Variants in SIPA1L3 observed in about 807,000 individuals in gnomAD.
SIPA1L3 encodes the protein signal induced proliferation associated 1 like 3.
A neutral mutation model predicts 150.1 loss-of-function variants in SIPA1L3; 59 were observed. That is an observed-to-expected ratio of 0.39 (90% CI 0.32 to 0.49). SIPA1L3 has a LOEUF of 0.49. Among genes scored for constraint, SIPA1L3 ranks in the 20% least tolerant of loss-of-function variants. The pLI is 0.86. For synonymous variants in SIPA1L3, 1,070 were observed against 1,077.6 expected (o/e 0.99, Z 0.14); for missense variants, 2,211 against 2,489.5 (o/e 0.89, Z 2.38).
At chr19:37,989,824 C>T (rs957737405) in intron 1 of SIPA1L3, among the ~76,000 whole-genome samples, 7 of 152,046 alleles carry the variant, frequency 4.6e-5, no homozygotes, top group African/African-American at 1.2e-4. Flanking sequence ...CGTGAGCCAC[C>T]GTGCCTGGCT....
intron 15 of SIPA1L3, chr19:38,173,654 G>C (rs967481374): frequency 6.6e-6 from 1 of 152,246 alleles, no homozygotes; most frequent in Non-Finnish European, 1.5e-5. Flanking sequence ...ATGCCCTTCT[G>C]GGGACACAGC....
chr19:37,937,893 A>G (rs2046616009), intron 1 of SIPA1L3, among the ~76,000 whole-genome samples: 1 of 151,576 alleles, frequency 6.6e-6, no homozygotes, highest in African/African-American at 2.4e-5. Context: ...AAAAATACAA[A>G]AAAATTAGCT....
chr19:38,099,951 C>T lies in SIPA1L3; in HGVS notation c.1666-11C>T. On this transcript the variant is annotated splice_polypyrimidine_tract_variant and intron_variant, in intron 4 of 21. Transcript: ENST00000222345. ...AGAGCCCCCTAACCTTCCCTTCTCT[C>T]CCTTGAGTAGCTCATCACCCTGCGG... 6.3e-7 allele frequency: 1 copy of T among 1,590,432 alleles called. No individual in the cohort carries two copies. The highest frequency in any genetic ancestry group is 1.1e-5 in the South Asian group (1 of 87,072).
chr19:38,163,316 C>T (rs1471874761), intron 14 of SIPA1L3, among the ~76,000 whole-genome samples: 4 of 151,990 alleles, frequency 2.6e-5, no homozygotes, highest in African/African-American at 9.7e-5. Flanking sequence ...CTAGTAAAAC[C>T]CCGTCTCTAC....
intron 12 of SIPA1L3, among the ~76,000 whole-genome samples, chr19:38,144,162 C>A (rs1453208563): frequency 6.6e-6 from 1 of 152,246 alleles, no homozygotes; most frequent in Non-Finnish European, 1.5e-5. Flanking sequence ...GCACTGCCCC[C>A]CAATTCCTGT....
At chr19:37,954,072 A>C (rs759431795) in intron 1 of SIPA1L3, among the ~76,000 whole-genome samples, 1 of 152,148 alleles carries the variant, frequency 6.6e-6, no homozygotes, top group Non-Finnish European at 1.5e-5. Context: ...ATATTTTATG[A>C]TGTGGTTAGA....
intron 1 of SIPA1L3, among the ~76,000 whole-genome samples, chr19:37,943,886 G>T (rs993941769): frequency 6.6e-6 from 1 of 152,090 alleles, no homozygotes; most frequent in African/African-American, 2.4e-5. Context: ...GACAAGGATT[G>T]TATGTTGATC....
chr19:38,150,688 A>G (rs971347850), intron 12 of SIPA1L3, among the ~76,000 whole-genome samples: 11 of 152,114 alleles, frequency 7.2e-5, no homozygotes, highest in Admixed American at 6.6e-5. Flanking sequence ...TCACAGGCAC[A>G]CACCACCACA....
rs540743546 is a variant in SIPA1L3, at chr19:38,091,029, G to A, written c.1665+2178G>A. Among the ~76,000 whole-genome samples the A allele has an allele frequency of 1.4e-4, 21 of 152,318 alleles. No homozygotes were observed. The South Asian group carries it at 1.9e-3, about 14-fold the overall frequency. ...AGAATGAGAGGTGACAGCTCACACT[G>A]CATCTGGCTGTTTTAGGACATATGG... On this transcript the variant is annotated intron_variant, in intron 4 of 21. Coordinates refer to ENST00000222345, the MANE Select transcript of SIPA1L3 (RefSeq NM_015073.3).
chr19:38,106,298 G>A (rs765799938), intron 6 of SIPA1L3: 51 of 385,686 alleles, frequency 1.3e-4, no homozygotes, highest in African/African-American at 2.1e-4. Context: ...GTAGAGACGG[G>A]GTTTCACCAT....
rs781154113 is a variant in SIPA1L3, at chr19:38,083,135, G to A, written c.1534+36G>A. ...GCGTGTGGGTGGGAAGGTTGGGTGG[G>A]CCGAGGCTTGCCTCCGAGACCCCCA... is the stretch of plus-strand genomic sequence containing the variant. On this transcript the variant is annotated intron_variant, in intron 3 of 21. Transcript: ENST00000222345. 3 of 1,557,310 alleles carry A rather than the reference G, an allele frequency of 1.9e-6. No individual in the cohort carries two copies. In the African/African-American group the frequency reaches 4.1e-5, roughly 21 times the overall value.
intron 2 of SIPA1L3, among the ~76,000 whole-genome samples, chr19:38,041,990 T>C (rs1968936267): frequency 6.6e-6 from 1 of 152,244 alleles, no homozygotes; most frequent in South Asian, 2.1e-4. Flanking sequence ...TGTTTCCCAG[T>C]CCATAGGTTG....
At chr19:38,019,999 G>C (rs1009666767) in intron 1 of SIPA1L3, among the ~76,000 whole-genome samples, 1 of 152,216 alleles carries the variant, frequency 6.6e-6, no homozygotes, top group South Asian at 2.1e-4. Flanking sequence ...AGGCTGAGAC[G>C]AGAGGATCAA....
At position 38,100,142 on chromosome 19, in the gene SIPA1L3, GAGCA is replaced by G; in HGVS notation, c.1849_1852del (p.Gln617GlyfsTer46). On this transcript the variant is annotated frameshift_variant, in exon 5 of 22. Transcript: ENST00000222345. LOFTEE classifies it high-confidence loss of function. ...GACGGAGCAACTGCTGAAGCTCGAT[GAGCA>G]AGGGGTGAGTCAGGGGCTGGAGGTG... The G allele has an allele frequency of 6.3e-7, 1 of 1,578,950 alleles. No individual in the cohort carries two copies. Among genetic ancestry groups the G allele is most frequent in the Non-Finnish European group, 8.6e-7 (1 of 1,163,790 alleles).
intron 8 of SIPA1L3, among the ~76,000 whole-genome samples, chr19:38,113,666 C>T (rs1384248629): frequency 6.6e-6 from 1 of 152,022 alleles, no homozygotes; most frequent in Non-Finnish European, 1.5e-5. Context: ...CCTCCTTTGA[C>T]AGTAACCCCA....
chr19:38,189,116 C>T lies in SIPA1L3; in HGVS notation c.4431-3029C>T, dbSNP rs1047690769. Reference sequence around the variant, plus strand: ...ACCTCCTGCATATGAACTACTTCCTCACTTGCTCTTGCTCTTCAAGTCTTT... The same window carrying T: ...ACCTCCTGCATATGAACTACTTCCTTACTTGCTCTTGCTCTTCAAGTCTTT... On this transcript the variant is annotated intron_variant, in intron 16 of 21. Coordinates refer to ENST00000222345, the MANE Select transcript of SIPA1L3 (RefSeq NM_015073.3). Among the ~76,000 whole-genome samples, 75 of 151,788 alleles carry T rather than the reference C, an allele frequency of 4.9e-4. 1 individual carries two copies. Among genetic ancestry groups the T allele is most frequent in the Middle Eastern group, 3.4e-3 (1 of 292 alleles).
intron 1 of SIPA1L3, among the ~76,000 whole-genome samples, chr19:37,975,316 G>C (rs1015944554): frequency 1.3e-5 from 2 of 152,182 alleles, no homozygotes; most frequent in African/African-American, 4.8e-5. Context: ...GCTTCCCGAG[G>C]AGGCACCGTG....
intron 4 of SIPA1L3, among the ~76,000 whole-genome samples, chr19:38,094,659 G>A (rs368393750): frequency 3.9e-5 from 6 of 152,320 alleles, no homozygotes; most frequent in African/African-American, 1.4e-4. Context: ...TCAGCTAGGT[G>A]CAGTGGCTCA....
At chr19:38,084,756 C>G (rs1235024429) in intron 3 of SIPA1L3, among the ~76,000 whole-genome samples, 2 of 151,196 alleles carry the variant, frequency 1.3e-5, no homozygotes, top group African/African-American at 4.9e-5. Context: ...TCTCCTGCCT[C>G]AGCCTCCTGA....
Sources: gnomAD v4.1 joint callset for allele counts (sites outside exome capture counted in the v4.1 genomes callset) on GRCh38, gnomAD v4.1.1 for gene constraint, MANE v1.5 for transcripts, NCBI Gene and HGNC (gene_info 2026-07-23, HGNC 2026-07-21) for gene names.